The following HP variants were observed in gnomAD, a reference collection of about 807,000 sequenced individuals.
The protein encoded by HP is haptoglobin.
In HP, 9 loss-of-function variants were observed where a neutral mutation model predicts 23.2. That is an observed-to-expected ratio of 0.39 (90% CI 0.23 to 0.68). The LOEUF (loss-of-function observed/expected upper bound fraction) is 0.68, where lower values mean the gene tolerates loss of function less well. Among genes scored for constraint, HP ranks in the 30% least tolerant of loss-of-function variants. The pLI, the probability that HP is intolerant of heterozygous loss-of-function variation, is 0.47. For missense variants in HP, 433 were observed against 483.6 expected (o/e 0.90, Z 0.98); for synonymous variants, 155 against 183.3 (o/e 0.85, Z 1.25).
In HP at chr16:72,060,387, C is replaced by A. The variant is rs765153219; in HGVS notation, c.718C>A (p.Pro240Thr). ...AGAGATTGAGAAGGTTGTTCTACAC[C>A]CTAACTACTCCCAGGTAGATATTGG... ...LVEIEKVVLH[P>T]NYSQVDIGLI... The change falls in exon 7 of 7, where the codon CCT becomes ACT. Residue 240 changes from proline (P) to threonine (T), a missense_variant. Pro to Thr is a conservative substitution (Grantham distance 38). This residue lies in a region of HP where 326 missense variants were observed against 358.1 expected (regional missense o/e 0.91). Transcript: ENST00000355906. 8.1e-6 allele frequency: 13 copies of A among 1,613,970 alleles called. 1 individual carries two copies. The highest frequency in any genetic ancestry group is 1.3e-5 in the African/African-American group (1 of 74,902).
intron 5 of HP, 41 bp from the exon 6 acceptor site, chr16:72,059,073 C>A: frequency 6.5e-7 from 1 of 1,540,882 alleles, no homozygotes; most frequent in Non-Finnish European, 8.9e-7. Context: ...GGGGTCTAGA[C>A]TTGACTTCTC....
intron 6 of HP, chr16:72,059,749 A>T (rs916643019): frequency 2.7e-6 from 1 of 376,056 alleles, no homozygotes; most frequent in Non-Finnish European, 4.8e-6. Context: ...CTTTCTTTAG[A>T]GAGAATGAAT....
intron 1 of HP, chr16:72,055,859 C>T (rs1211352247): frequency 1.4e-5 from 6 of 415,234 alleles, no homozygotes; most frequent in African/African-American, 1.2e-4. Context: ...ACTGAGCCCA[C>T]CCCTCCACCT....
chr16:72,057,090 C>T, intron 3 of HP: 2 of 456,584 alleles, frequency 4.4e-6, no homozygotes, highest in South Asian at 4.2e-5. Flanking sequence ...GAGTATCTTG[C>T]CCAAATTCAG....
In HP at chr16:72,060,302, T is replaced by C. The variant is rs1189485596; in HGVS notation, c.633T>C (p.Asn211=). The change falls in exon 7 of 7, where the codon AAT becomes AAC. Residue 211 remains asparagine, a synonymous_variant. Coordinates refer to ENST00000355906, the MANE Select transcript of HP (RefSeq NM_005143.5). ...ATCTCTTCCTGAACCATTCAGAAAA[T>C]GCAACAGCGAAAGACATTGCCCCTA... The part of the protein sequence containing the change: ...AKNLFLNHSE[N]ATAKDIAPTL... 4 of 1,614,026 alleles carry C rather than the reference T, an allele frequency of 2.5e-6. No individual in the cohort carries two copies. The highest frequency in any genetic ancestry group is 1.7e-4 in the Middle Eastern group (1 of 6,060).
rs902998067 is a variant in HP, at chr16:72,059,932, A to T, written c.443-180A>T. ...GAGCTTTTTGTAATGTAAACAATTTAAAAAACAGAATTATTTTAAAACTGC... is the reference window on the plus strand; with the variant it reads ...GAGCTTTTTGTAATGTAAACAATTTTAAAAACAGAATTATTTTAAAACTGC... On this transcript the variant is annotated intron_variant, in intron 6 of 6. Coordinates refer to ENST00000355906, the MANE Select transcript of HP (RefSeq NM_005143.5). 69 of 1,370,554 alleles carry T rather than the reference A, an allele frequency of 5.0e-5. 2 individuals carry two copies. The highest frequency in any genetic ancestry group is 4.5e-4 in the Admixed American group (16 of 35,694). The allele number at this position is 1,370,554 out of a possible 1,614,324, so 84.9% of individuals were successfully genotyped here.
intron 4 of HP, chr16:72,057,955 C>A: frequency 2.5e-6 from 1 of 392,512 alleles, no homozygotes; most frequent in South Asian, 2.3e-5. Flanking sequence ...TGTGGAAATG[C>A]CAACCTGCCT....
At position 72,059,062 on chromosome 16, in the gene HP, C is replaced by T. The variant is rs111673129; in HGVS notation, c.368-52C>T. On this transcript the variant is annotated intron_variant, in intron 5 of 6. Transcript: ENST00000355906. ...TCTTTAAATGCCTTCTCACTCTGCA[C>T]GGGGTCTAGACTTGACTTCTCCTTT... 2.6e-4 allele frequency: 397 copies of T among 1,500,984 alleles called. 44 individuals carry two copies. In the South Asian group the frequency reaches 2.9e-3, roughly 11 times the overall value. The allele number at this position is 1,500,984 out of a possible 1,614,324, so 93.0% of individuals were successfully genotyped here. A position where few individuals can be genotyped will look rare whatever the true frequency, so the allele number is the denominator to read the frequency against.
At chr16:72,055,642 T>A (rs1248704492) in intron 1 of HP, 1 of 181,540 alleles carries the variant, frequency 5.5e-6, no homozygotes, top group Non-Finnish European at 1.2e-5. Context: ...ATACTAGAAA[T>A]ACCCACGTGT....
chr16:72,054,833 T>C, intron 1 of HP, 176 bp downstream of exon 1: 1 of 740,208 alleles, frequency 1.4e-6, no homozygotes, highest in Non-Finnish European at 2.3e-6. Flanking sequence ...TAGAAGACAG[T>C]GCTGCTGTCT....
chr16:72,059,362 A>G, intron 6 of HP, 174 bp downstream of exon 6: 1 of 917,220 alleles, frequency 1.1e-6, no homozygotes, highest in Non-Finnish European at 1.7e-6. Flanking sequence ...CCTAAGGGTC[A>G]CCAAGGGTCT....
rs5471 is a variant in HP, at chr16:72,054,562, A to C, written c.-91A>C. On this transcript the variant is annotated 5_prime_UTR_variant, in exon 1 of 7. It removes an upstream start codon present in the reference 5' UTR. Transcript: ENST00000355906. ...AGTTTGTAGACACAGGAATTACGAA[A>C]TGGAGAAGGGGGAGAAGTGAGCTAG... 10,405 of 1,583,926 alleles carry C rather than the reference A, an allele frequency of 6.6e-3. 610 individuals carry two copies. In the African/African-American group the frequency reaches 0.13, roughly 19 times the overall value.
rs1385197821 is a variant in HP at position 72,059,038 on chromosome 16, C to T, written c.368-76C>T. On this transcript the variant is annotated intron_variant, in intron 5 of 6. Transcript: ENST00000355906. Reference sequence around the variant, plus strand: ...TTTTCCTCTTCCTTTTAGTTCTTCTCTTTAAATGCCTTCTCACTCTGCACG... The same window carrying T: ...TTTTCCTCTTCCTTTTAGTTCTTCTTTTTAAATGCCTTCTCACTCTGCACG... 2.1e-6 allele frequency: 3 copies of T among 1,403,748 alleles called. 1 individual carries two copies. The highest frequency in any genetic ancestry group is 3.0e-6 in the Non-Finnish European group (3 of 1,005,966). The allele number at this position is 1,403,748 out of a possible 1,614,324, so 87.0% of individuals were successfully genotyped here. A position where few individuals can be genotyped will look rare whatever the true frequency, so the allele number is the denominator to read the frequency against.
At position 72,059,768 on chromosome 16, in the gene HP, C is replaced by A. The variant is rs1444437115; in HGVS notation, c.443-344C>A. ...CTTTAGAGAGAATGAATTATTGTAGCCCCTAGCCCTTTCAATGAATTTCAG... is the reference window on the plus strand; with the variant it reads ...CTTTAGAGAGAATGAATTATTGTAGACCCTAGCCCTTTCAATGAATTTCAG... On this transcript the variant is annotated intron_variant, in intron 6 of 6. Transcript: ENST00000355906. 37 of 432,846 alleles carry A rather than the reference C, an allele frequency of 8.5e-5. No individual in the cohort carries two copies. The South Asian group carries it at 9.0e-4, about 10-fold the overall frequency. 26.8% of individuals were successfully genotyped at this position (432,846 alleles called of 1,614,324 possible). A position where few individuals can be genotyped will look rare whatever the true frequency, so the allele number is the denominator to read the frequency against.
intron 6 of HP, 92 bp from the exon 7 acceptor site, chr16:72,060,020 C>A (rs2041515777): frequency 6.3e-7 from 1 of 1,580,994 alleles, no homozygotes; most frequent in African/African-American, 1.3e-5. Context: ...CTACTTTACG[C>A]AGCAGTGACA....
chr16:72,059,227 G>T, intron 6 of HP, 39 bp downstream of exon 6: 1 of 1,563,348 alleles, frequency 6.4e-7, no homozygotes, highest in Non-Finnish European at 8.7e-7. Context: ...CAGGCGTCCA[G>T]CGGGGAACGT....
rs749018724 is a variant in HP at position 72,060,636 on chromosome 16, A to G, written c.967A>G (p.Thr323Ala). The change falls in exon 7 of 7, where the codon ACA becomes GCA. Residue 323 changes from threonine (T) to alanine (A), a missense_variant. Physicochemically the swap from Thr to Ala is moderately conservative, Grantham distance 58. This residue lies in a region of HP where 326 missense variants were observed against 358.1 expected (regional missense o/e 0.91). Transcript: ENST00000355906. ...AGGCAGCACAGTCCCCGAAAAGAAG[A>G]CACCGAAGAGCCCTGTAGGGGTGCA... ...YEGSTVPEKK[T>A]PKSPVGVQPI... 9 of 1,614,092 alleles carry G rather than the reference A, an allele frequency of 5.6e-6. No homozygotes were observed. The highest frequency in any genetic ancestry group is 5.0e-5 in the Admixed American group (3 of 60,016).
chr16:72,057,976 G>A (rs2144044341), intron 4 of HP: 1 of 429,984 alleles, frequency 2.3e-6, no homozygotes, highest in Non-Finnish European at 4.1e-6. Flanking sequence ...CGTATTAACT[G>A]CACCATCTAC....
intron 4 of HP, 40 bp from the exon 5 acceptor site, chr16:72,058,214 T>C: frequency 1.3e-6 from 1 of 784,410 alleles, no homozygotes; most frequent in Non-Finnish European, 1.9e-6. Context: ...CTGGGAACAA[T>C]TTCCAAATAG....
Sources: gnomAD v4.1 joint callset for allele counts on GRCh38, gnomAD v4.1.1 for gene constraint, gnomAD v4.1.1 regional missense constraint, MANE v1.5 for transcripts, NCBI Gene and HGNC (gene_info 2026-07-23, HGNC 2026-07-21) for gene names.